Variants in RNPEPL1 observed in about 807,000 individuals in gnomAD.
RNPEPL1 encodes the protein aminopeptidase RNPEPL1.
Under a neutral mutation model 69.0 loss-of-function variants are expected in RNPEPL1, and 46 were observed. That is an observed-to-expected ratio of 0.67 (90% confidence interval 0.53 to 0.85). RNPEPL1 has a LOEUF of 0.85. RNPEPL1 is among the 40% of genes least tolerant of loss of function. The pLI is 0.00. For synonymous variants in RNPEPL1, 525 were observed against 454.1 expected, an observed-to-expected ratio of 1.16 and a Z score of -1.98; for missense variants, 869 against 992.5, an observed-to-expected ratio of 0.88 and a Z score of 1.67.
chr2:240,575,432 G>C, intron 7 of RNPEPL1, 70 bp from the exon 8 acceptor site: 1 of 1,345,768 alleles, frequency 7.4e-7, no homozygotes, highest in Non-Finnish European at 1.1e-6. Context: ...GCAGTGCCCT[G>C]CAGGCCTCTG....
rs3749162 is a variant in RNPEPL1, at chr2:240,578,329, C to T, written c.*437C>T. 30 of 158,288 alleles carry T rather than the reference C, an allele frequency of 1.9e-4. No individual in the cohort carries two copies. The East Asian group carries it at 4.0e-3, about 21-fold the overall frequency. The allele number at this position is 158,288 out of a possible 1,614,324, so 9.8% of individuals were successfully genotyped here. ...TTGCAGGGATCTGAGCCACCCTCCCCGCACAGCCCTGCACCCCGCCCCTGG... is the reference window on the plus strand; with the variant it reads ...TTGCAGGGATCTGAGCCACCCTCCCTGCACAGCCCTGCACCCCGCCCCTGG... On this transcript the variant is annotated 3_prime_UTR_variant, in exon 11 of 11. Transcript: ENST00000270357.
chr2:240,569,200 G>C (rs965222736), intron 1 of RNPEPL1, 86 bp downstream of exon 1: 1 of 1,325,756 alleles, frequency 7.5e-7, no homozygotes, highest in Non-Finnish European at 9.7e-7. Context: ...GCTGAGGGAC[G>C]CGAATCTGCG....
rs1178529523 is a variant in RNPEPL1, at chr2:240,568,795, C to A, written c.209C>A (p.Pro70His). Residue 70 changes from proline (P) to histidine (H), a missense_variant, in exon 1 of 11, where the codon CCC (proline) becomes CAC (histidine). Physicochemically the swap from Pro to His is moderately conservative, Grantham distance 77. Around this residue, in one of 2 missense-constraint regions of RNPEPL1, gnomAD observed 259 missense variants for 201.5 expected, o/e 1.29. Transcript: ENST00000270357. This position sits in a 1 kb window ranked among gnomAD's most constrained non-coding sequence, Gnocchi z 6.2. ...GTGCTCGAGCTGTGCGCGCTGCGGC[C>A]CGCGCCCCGCGCGCTCGTGCTCGAC... is the stretch of plus-strand genomic sequence containing the variant. ...CLVLELCALR[P>H]APRALVLDAH... The A allele has an allele frequency of 5.5e-6, 6 of 1,082,146 alleles. No individual in the cohort carries two copies. In the Admixed American group the frequency reaches 2.1e-4, roughly 38 times the overall value. 67.0% of individuals were successfully genotyped at this position (1,082,146 alleles called of 1,614,324 possible).
chr2:240,571,720 G>C (rs1327600328), intron 1 of RNPEPL1, among the ~76,000 whole-genome samples: 1 of 151,716 alleles, frequency 6.6e-6, no homozygotes, highest in Non-Finnish European at 1.5e-5. Context: ...TAGGTGGGTA[G>C]CAGCTGCTGT....
At chr2:240,571,652 G>A (rs2093021831) in intron 1 of RNPEPL1, among the ~76,000 whole-genome samples, 1 of 151,496 alleles carries the variant, frequency 6.6e-6, no homozygotes, top group African/African-American at 2.4e-5. Flanking sequence ...GGCATCTAGG[G>A]GTGAGGAAAG....
Position 240,576,526 on chromosome 2 carries a change from C to T in RNPEPL1, c.1511-9C>T, listed in dbSNP as rs1420867678. On this transcript the variant is annotated splice_polypyrimidine_tract_variant and intron_variant, in intron 8 of 10. Transcript: ENST00000270357. ...GGGCAGGGACCCCAGGGTCACTTCT[C>T]CCCTCTAGGGCTGGAATTCGAGCGC... 1.2e-6 allele frequency: 2 copies of T among 1,606,084 alleles called. No individual in the cohort carries two copies. The highest frequency in any genetic ancestry group is 1.7e-6 in the Non-Finnish European group (2 of 1,176,718).
At position 240,577,996 on chromosome 2, in the gene RNPEPL1, C is replaced by T. The variant is rs1202498090; in HGVS notation, c.*104C>T. 1.7e-6 allele frequency: 2 copies of T among 1,205,210 alleles called. No homozygotes were observed. Among genetic ancestry groups the T allele is most frequent in the Middle Eastern group, 3.0e-4 (1 of 3,376 alleles). The allele number at this position is 1,205,210 out of a possible 1,614,324, so 74.7% of individuals were successfully genotyped here. ...CTCGGCTCTGGCCATGAGCTCTGCC[C>T]AGGCCCACAAGCCCCTCCCCTGGGC... is the stretch of plus-strand genomic sequence containing the variant. On this transcript the variant is annotated 3_prime_UTR_variant, in exon 11 of 11. Coordinates refer to ENST00000270357, the MANE Select transcript of RNPEPL1 (RefSeq NM_018226.6).
Position 240,575,091 on chromosome 2 carries a change from C to T in RNPEPL1, c.1350C>T (p.Tyr450=). 6.2e-7 allele frequency: 1 copy of T among 1,613,818 alleles called. No individual in the cohort carries two copies. The highest frequency in any genetic ancestry group is 8.5e-7 in the Non-Finnish European group (1 of 1,180,008). The change falls in exon 7 of 11, where the codon TAC becomes TAT. Residue 450 remains tyrosine, a synonymous_variant. Transcript: ENST00000270357. ...FTYEKGYCFV[Y]YLSQLCGDPQ... is the part of the protein sequence containing the mutation. ...ACGAGAAGGGCTACTGCTTCGTGTA[C>T]TACCTGTCCCAGCTCTGCGGAGACC...
intron 4 of RNPEPL1, 100 bp from the exon 5 acceptor site, chr2:240,574,013 G>C: frequency 1.4e-6 from 2 of 1,401,316 alleles, no homozygotes; most frequent in Admixed American, 1.9e-5. Context: ...CTCACCGCAG[G>C]GGCTGGGCTG....
At chr2:240,573,655 T>G (rs2125449421) in intron 3 of RNPEPL1, 120 bp from the exon 4 acceptor site, 2 of 818,262 alleles carry the variant, frequency 2.4e-6, no homozygotes, top group Non-Finnish European at 1.9e-6. Context: ...TAGGCTGGGG[T>G]GGTCAGCCAG....
chr2:240,575,411 G>A, intron 7 of RNPEPL1, 91 bp from the exon 8 acceptor site: 2 of 1,127,312 alleles, frequency 1.8e-6, no homozygotes, highest in South Asian at 2.6e-5. Context: ...ACGTACCTTG[G>A]CGCACGCCCT....
At chr2:240,573,945 G>A (rs2093030175) in intron 4 of RNPEPL1, 54 bp downstream of exon 4, 1 of 1,509,748 alleles carries the variant, frequency 6.6e-7, no homozygotes, top group Admixed American at 1.9e-5. Context: ...GTCAGAGGGG[G>A]AGCCCCTCGT....
At position 240,574,353 on chromosome 2, in the gene RNPEPL1, GGCCAGGGCCGGGGAGGGCA is replaced by G; in HGVS notation, c.1174+10_1174+28del. The G allele has an allele frequency of 6.3e-7, 1 of 1,594,422 alleles. No homozygotes were observed. The highest frequency in any genetic ancestry group is 8.5e-7 in the Non-Finnish European group (1 of 1,174,974). ...GTATCACCACCGAGACCTACGGTGC[GGCCAGGGCCGGGGAGGGCA>G]GCCACGGGGGGCCCTGGGCACTGGT... is the stretch of plus-strand genomic sequence containing the variant. On this transcript the variant is annotated splice_donor_region_variant and intron_variant, in intron 5 of 10. Transcript: ENST00000270357.
Position 240,573,638 on chromosome 2 carries a change from C to T in RNPEPL1, c.822-137C>T, listed in dbSNP as rs115837330. 8.8e-3 allele frequency: 6,385 copies of T among 723,184 alleles called. 89 individuals are homozygous for T. Among genetic ancestry groups the T allele is most frequent in the African/African-American group, 0.051 (2,847 of 56,224 alleles). The allele number at this position is 723,184 out of a possible 1,614,324, so 44.8% of individuals were successfully genotyped here. A position where few individuals can be genotyped will look rare whatever the true frequency, so the allele number is the denominator to read the frequency against. On this transcript the variant is annotated intron_variant, in intron 3 of 10. Transcript: ENST00000270357. ...TGGCTGCCCATCCAGTGAGGCAGGGCGGGCTGTAGGCTGGGGTGGTCAGCC... is the reference window on the plus strand; with the variant it reads ...TGGCTGCCCATCCAGTGAGGCAGGGTGGGCTGTAGGCTGGGGTGGTCAGCC...
chr2:240,572,314 C>T (rs1194083021), intron 1 of RNPEPL1, 109 bp from the exon 2 acceptor site: 9 of 1,282,310 alleles, frequency 7.0e-6, no homozygotes, highest in Non-Finnish European at 9.6e-6. Context: ...GATAATCTGG[C>T]CATTGTCCCC....
In RNPEPL1 at chr2:240,573,241, G is replaced by C; in HGVS notation, c.801G>C (p.Lys267Asn). Reference protein sequence around the residue: ...YLVALVAGDLKPADIGPRSRV... With the variant: ...YLVALVAGDLNPADIGPRSRV... ...TGGCCCTGGTGGCCGGAGACCTCAAGCCGGCAGACATCGGGCCCAGGTAGG... is the reference window on the plus strand; with the variant it reads ...TGGCCCTGGTGGCCGGAGACCTCAACCCGGCAGACATCGGGCCCAGGTAGG... Residue 267 changes from lysine (K) to asparagine (N), a missense_variant, in exon 3 of 11, where the codon AAG becomes AAC. Physicochemically the swap from Lys to Asn is moderately conservative, Grantham distance 94. Around this residue, in one of 2 missense-constraint regions of RNPEPL1, gnomAD observed 610 missense variants for 790.9 expected, o/e 0.77. Transcript: ENST00000270357. 6.4e-7 allele frequency: 1 copy of C among 1,569,026 alleles called. No individual in the cohort carries two copies. The highest frequency in any genetic ancestry group is 8.6e-7 in the Non-Finnish European group (1 of 1,157,328).
intron 6 of RNPEPL1, 34 bp from the exon 7 acceptor site, chr2:240,574,996 C>T (rs774670923): frequency 3.2e-5 from 50 of 1,546,162 alleles, no homozygotes; most frequent in East Asian, 2.2e-4. Context: ...CTGGTGGTTT[C>T]GGACGCCAGC....
chr2:240,581,027 G>C lies in RNPEPL1; in HGVS notation c.*3135G>C, dbSNP rs1399036280. 6.6e-6 allele frequency: 1 copy of C among 152,154 alleles called. No homozygotes were observed. The highest frequency in any genetic ancestry group is 1.5e-5 in the Non-Finnish European group (1 of 68,040). The allele number at this position is 152,154 out of a possible 1,614,324, so 9.4% of individuals were successfully genotyped here. On this transcript the variant is annotated 3_prime_UTR_variant, in exon 11 of 11. Coordinates refer to ENST00000270357, the MANE Select transcript of RNPEPL1 (RefSeq NM_018226.6). ...CCTACTCTAACTGGGACTTATTGGTGGTGTTTCTCTCCTAAGGCCAGATGC... is the reference window on the plus strand; with the variant it reads ...CCTACTCTAACTGGGACTTATTGGTCGTGTTTCTCTCCTAAGGCCAGATGC...
In RNPEPL1 at chr2:240,573,220, C is replaced by T. The variant is rs952506261; in HGVS notation, c.780C>T (p.Ala260=). The T allele has an allele frequency of 1.3e-6, 2 of 1,577,504 alleles. No individual in the cohort carries two copies. The highest frequency in any genetic ancestry group is 3.7e-5 in the Admixed American group (2 of 54,388). ...ACCCCGTGCCCGCCTACCTCGTGGCCCTGGTGGCCGGAGACCTCAAGCCGG... is the reference window on the plus strand; with the variant it reads ...ACCCCGTGCCCGCCTACCTCGTGGCTCTGGTGGCCGGAGACCTCAAGCCGG... ...MEHPVPAYLV[A]LVAGDLKPAD... is the part of the protein sequence containing the mutation. The change falls in exon 3 of 11, where the codon GCC becomes GCT. Residue 260 remains alanine (A), a synonymous_variant. Coordinates refer to ENST00000270357, the MANE Select transcript of RNPEPL1 (RefSeq NM_018226.6).
Sources: allele counts gnomAD v4.1 joint callset (sites outside exome capture counted in the v4.1 genomes callset), GRCh38; gene constraint gnomAD v4.1.1; regional missense constraint gnomAD v4.1.1; non-coding constraint Gnocchi (gnomAD v3.1); transcripts MANE v1.5; gene names NCBI Gene and HGNC (gene_info 2026-07-23, HGNC 2026-07-21).